NALF1: variants seen among roughly 807,000 people sequenced by gnomAD.
The protein encoded by NALF1 is NALCN channel auxiliary factor 1, also known as family with sequence similarity 155 member A.
A neutral mutation model predicts 48.4 loss-of-function variants in NALF1; 3 were observed. The observed-to-expected ratio is 0.06, with a 90% CI of 0.03 to 0.16. NALF1 has a LOEUF of 0.16. Ranked by LOEUF, NALF1 falls within the 10% of genes least tolerant of loss-of-function variation. The probability of loss-of-function intolerance (pLI) is 1.00; values close to 1 mark genes in which losing one functional copy is unlikely to be tolerated. For synonymous variants in NALF1, 262 were observed against 245.7 expected, an observed-to-expected ratio of 1.07 and a Z score of -0.62; for missense variants, 526 against 571.5, an observed-to-expected ratio of 0.92 and a Z score of 0.81.
intron 1 of NALF1, among the ~76,000 whole-genome samples, chr13:107,544,347 T>C (rs1182292340): frequency 1.3e-5 from 2 of 152,194 alleles, no homozygotes; most frequent in African/African-American, 4.8e-5. Flanking sequence ...ATATGCCATA[T>C]ATTCCCAGTT....
intron 1 of NALF1, among the ~76,000 whole-genome samples, chr13:107,746,235 T>C (rs533460526): frequency 5.9e-4 from 90 of 152,324 alleles, no homozygotes; most frequent in African/African-American, 2.1e-3. Flanking sequence ...CCACCATGAT[T>C]GTAAGTTTCC....
chr13:107,239,081 T>C (rs1408769286), intron 1 of NALF1, among the ~76,000 whole-genome samples: 10 of 152,036 alleles, frequency 6.6e-5, no homozygotes, highest in Admixed American at 5.9e-4. Flanking sequence ...GAAGGTCAAA[T>C]TAACACAGGA....
intron 1 of NALF1, among the ~76,000 whole-genome samples, chr13:107,666,532 T>G (rs1594193788): frequency 1.3e-5 from 2 of 152,180 alleles, no homozygotes; most frequent in African/African-American, 4.8e-5. Context: ...GTGGAAAGTT[T>G]GCTCAACTTT....
chr13:107,543,988 A>C (rs1877067789), intron 1 of NALF1, among the ~76,000 whole-genome samples: 1 of 152,094 alleles, frequency 6.6e-6, no homozygotes, highest in South Asian at 2.1e-4. Flanking sequence ...AATTTTTTAA[A>C]AAATCTACCT....
chr13:107,330,040 G>A (rs1882439357), intron 1 of NALF1, among the ~76,000 whole-genome samples: 1 of 152,134 alleles, frequency 6.6e-6, no homozygotes. Context: ...GAGAACTCAG[G>A]AGGGATTGTT....
intron 1 of NALF1, among the ~76,000 whole-genome samples, chr13:107,785,564 G>A (rs1417159503): frequency 6.6e-6 from 1 of 152,088 alleles, no homozygotes; most frequent in Non-Finnish European, 1.5e-5. Context: ...TGAGAGAGGG[G>A]TAACAGATAA....
intron 1 of NALF1, among the ~76,000 whole-genome samples, chr13:107,653,586 C>T (rs1469417121): frequency 6.6e-6 from 1 of 151,928 alleles, no homozygotes; most frequent in African/African-American, 2.4e-5. Context: ...TTGACCTCTT[C>T]ATATAGATAG....
At chr13:107,337,858 T>C (rs1021837015) in intron 1 of NALF1, among the ~76,000 whole-genome samples, 2 of 152,108 alleles carry the variant, frequency 1.3e-5, no homozygotes, top group African/African-American at 2.4e-5. Flanking sequence ...ATCTGTGCAA[T>C]GCAATAATAA....
chr13:107,417,238 A>ACT (rs1884105934), intron 1 of NALF1, among the ~76,000 whole-genome samples: 2 of 152,122 alleles, frequency 1.3e-5, no homozygotes, highest in African/African-American at 4.8e-5. Context: ...TTTATCTTAT[A>ACT]CTCAAACCAT....
intron 1 of NALF1, among the ~76,000 whole-genome samples, chr13:107,399,700 G>T (rs1883771984): frequency 6.6e-6 from 1 of 152,062 alleles, no homozygotes; most frequent in African/African-American, 2.4e-5. Context: ...TAAAGTAATG[G>T]TATGCACTAC....
chr13:107,613,642 A>T (rs1277339893), intron 1 of NALF1, among the ~76,000 whole-genome samples: 1 of 152,194 alleles, frequency 6.6e-6, no homozygotes, highest in African/African-American at 2.4e-5. Flanking sequence ...AAAACAAATC[A>T]CTACTTTATC....
At chr13:107,359,418 T>C (rs1017002174) in intron 1 of NALF1, among the ~76,000 whole-genome samples, 1 of 152,130 alleles carries the variant, frequency 6.6e-6, no homozygotes, top group Non-Finnish European at 1.5e-5. Context: ...GCCATATTTA[T>C]AACTGAAGTG....
intron 1 of NALF1, among the ~76,000 whole-genome samples, chr13:107,586,410 C>T (rs1392599966): frequency 6.6e-6 from 1 of 152,038 alleles, no homozygotes; most frequent in African/African-American, 2.4e-5. Context: ...TGTGACGGCC[C>T]TGTGATTCAC....
At chr13:107,367,517 G>A (rs1238303752) in intron 1 of NALF1, among the ~76,000 whole-genome samples, 2 of 152,152 alleles carry the variant, frequency 1.3e-5, no homozygotes, top group Non-Finnish European at 2.9e-5. Context: ...AGCTGAGAGA[G>A]AACTTGGAGA....
At chr13:107,533,918 G>A (rs1876720664) in intron 1 of NALF1, among the ~76,000 whole-genome samples, 1 of 152,074 alleles carries the variant, frequency 6.6e-6, no homozygotes, top group South Asian at 2.1e-4. Context: ...ACATTAATGG[G>A]AAATGGGGAG....
chr13:107,483,579 C>A (rs1371672873), intron 1 of NALF1, among the ~76,000 whole-genome samples: 1 of 151,916 alleles, frequency 6.6e-6, no homozygotes, highest in East Asian at 1.9e-4. Flanking sequence ...GATCACTAGA[C>A]AAAATAGACT....
At chr13:107,732,837 G>C (rs1876351257) in intron 1 of NALF1, among the ~76,000 whole-genome samples, 1 of 152,188 alleles carries the variant, frequency 6.6e-6, no homozygotes, top group Non-Finnish European at 1.5e-5. Context: ...CCTAATCATT[G>C]AATCTATGCT....
chr13:107,573,401 C>T (rs558461358), intron 1 of NALF1, among the ~76,000 whole-genome samples: 1 of 152,078 alleles, frequency 6.6e-6, no homozygotes, highest in South Asian at 2.1e-4. Flanking sequence ...ACCCACAGTA[C>T]TTGGCACATA....
chr13:107,204,957 G>C (rs548480686), intron 2 of NALF1, among the ~76,000 whole-genome samples: 1 of 150,688 alleles, frequency 6.6e-6, no homozygotes, highest in African/African-American at 2.4e-5. Flanking sequence ...ATCTATAGAG[G>C]TATTTTTTTT....
Sources: allele counts gnomAD v4.1 joint callset (sites outside exome capture counted in the v4.1 genomes callset), GRCh38; gene constraint gnomAD v4.1.1; transcripts MANE v1.5; gene names NCBI Gene and HGNC (gene_info 2026-07-23, HGNC 2026-07-21).